Variants in MPDZ observed in about 807,000 individuals in gnomAD.
MPDZ encodes the protein multiple PDZ domain protein.
MPDZ carries 234 observed loss-of-function variants against 239.1 expected under a neutral mutation model. That is an observed-to-expected ratio of 0.98 (90% CI 0.88 to 1.09). The LOEUF is 1.09. Among genes scored for constraint, MPDZ ranks in the 50% least tolerant of loss-of-function variants. The pLI, the probability that MPDZ is intolerant of heterozygous loss-of-function variation, is 0.00. For synonymous variants in MPDZ, 1,048 were observed against 881.3 expected, an observed-to-expected ratio of 1.19 and a Z score of -3.35; for missense variants, 3,175 against 2,510.0, an observed-to-expected ratio of 1.26 and a Z score of -5.66.
chr9:13,210,622 T>C (rs1957510794), intron 10 of MPDZ, among the ~76,000 whole-genome samples: 1 of 151,970 alleles, frequency 6.6e-6, no homozygotes, highest in Non-Finnish European at 1.5e-5. Flanking sequence ...TGGGAGCTGC[T>C]CACCTCCCTG....
At position 13,176,034 on chromosome 9, in the gene MPDZ, G is replaced by A. The variant is rs1952438884; in HGVS notation, c.2931+102C>T. Reference sequence around the variant, plus strand: ...TAGGTTGCCTTCTGAAAATCTTAGTGTCAAGAAGCACTCATTCCAAATGAA... The same window carrying A: ...TAGGTTGCCTTCTGAAAATCTTAGTATCAAGAAGCACTCATTCCAAATGAA... On this transcript the variant is annotated intron_variant, in intron 20 of 46. Transcript: ENST00000319217. 4 of 1,433,254 alleles carry A rather than the reference G, an allele frequency of 2.8e-6. No homozygotes were observed. The South Asian group carries it at 6.0e-5, about 21-fold the overall frequency. The allele number at this position is 1,433,254 out of a possible 1,614,324, so 88.8% of individuals were successfully genotyped here. A position where few individuals can be genotyped will look rare whatever the true frequency, so the allele number is the denominator to read the frequency against.
At chr9:13,165,612 T>C (rs772946603) in intron 22 of MPDZ, 4 of 452,458 alleles carry the variant, frequency 8.8e-6, no homozygotes, top group African/African-American at 2.0e-5. Context: ...CAGTGATTAT[T>C]AACAAGCATG....
chr9:13,131,136 A>C (rs1027398500), intron 32 of MPDZ, among the ~76,000 whole-genome samples: 1 of 152,196 alleles, frequency 6.6e-6, no homozygotes, highest in African/African-American at 2.4e-5. Flanking sequence ...CAGCTGATTC[A>C]TGAGTGTTAA....
chr9:13,263,228 G>T (rs1029309201), intron 1 of MPDZ, among the ~76,000 whole-genome samples: 2 of 152,022 alleles, frequency 1.3e-5, no homozygotes, highest in Non-Finnish European at 2.9e-5. Flanking sequence ...CAGAATGATG[G>T]ATATATGAGG....
At chr9:13,149,442 A>C (rs993218664) in intron 25 of MPDZ, among the ~76,000 whole-genome samples, 1 of 152,112 alleles carries the variant, frequency 6.6e-6, no homozygotes, top group Non-Finnish European at 1.5e-5. Context: ...AATTGTCTTT[A>C]TTTGCAAGTT....
intron 3 of MPDZ, among the ~76,000 whole-genome samples, chr9:13,233,091 T>C (rs1962983960): frequency 6.6e-6 from 1 of 152,146 alleles, no homozygotes; most frequent in South Asian, 2.1e-4. Context: ...TTTCATACAC[T>C]AAATATCGTG....
At chr9:13,164,783 A>G (rs935317692) in intron 22 of MPDZ, among the ~76,000 whole-genome samples, 16 of 152,148 alleles carry the variant, frequency 1.1e-4, no homozygotes, top group African/African-American at 3.6e-4. Flanking sequence ...GCCACTACAG[A>G]GAGTGAGGCC....
At position 13,173,880 on chromosome 9, in the gene MPDZ, A is replaced by G. The variant is rs543973965; in HGVS notation, c.3055+1872T>C. Among the ~76,000 whole-genome samples, 7 of 152,238 alleles carry G rather than the reference A, an allele frequency of 4.6e-5. No individual in the cohort carries two copies. The South Asian group carries it at 1.5e-3, about 32-fold the overall frequency. ...TCTACCCTTAGCTCCCGCTGCCTAC[A>G]TGAAGGATAAGGCAGTAGATGGCTG... On this transcript the variant is annotated intron_variant, in intron 21 of 46. Coordinates refer to ENST00000319217, the MANE Select transcript of MPDZ (RefSeq NM_001378778.1).
At chr9:13,112,984 T>C in intron 42 of MPDZ, 27 bp downstream of exon 42, 3 of 1,563,748 alleles carry the variant, frequency 1.9e-6, no homozygotes, top group Non-Finnish European at 2.6e-6. Context: ...ACGCCAGGGT[T>C]TATATTGTTT....
chr9:13,232,179 AT>A (rs1279041869), intron 3 of MPDZ, among the ~76,000 whole-genome samples: 6 of 152,212 alleles, frequency 3.9e-5, no homozygotes, highest in African/African-American at 1.4e-4. Context: ...TGTACTGAAT[AT>A]CCAAATGAAT....
intron 3 of MPDZ, among the ~76,000 whole-genome samples, chr9:13,232,766 A>C (rs928361316): frequency 8.6e-5 from 13 of 151,722 alleles, no homozygotes; most frequent in African/African-American, 2.9e-4. Context: ...GAAAATGGTT[A>C]CAATACAAAT....
Position 13,106,767 on chromosome 9 carries a change from C to T in MPDZ, c.*198G>A. On this transcript the variant is annotated 3_prime_UTR_variant, in exon 47 of 47. Transcript: ENST00000319217. ...TCCTTCTCTTTAAGTTCACAAAATG[C>T]AAGAAGAAAAGAAAAATGATGTTAG... The T allele has an allele frequency of 1.8e-6, 1 of 550,454 alleles. No homozygotes were observed. Among genetic ancestry groups the T allele is most frequent in the Non-Finnish European group, 3.1e-6 (1 of 321,604 alleles). 34.1% of individuals were successfully genotyped at this position (550,454 alleles called of 1,614,324 possible). A position where few individuals can be genotyped will look rare whatever the true frequency, so the allele number is the denominator to read the frequency against.
At chr9:13,114,132 A>C in intron 40 of MPDZ, 111 bp from the exon 41 acceptor site, 9 of 795,252 alleles carry the variant, frequency 1.1e-5, no homozygotes, top group Non-Finnish European at 1.8e-5. Context: ...CAACAGTGGC[A>C]TTTGATAATT....
At chr9:13,161,615 A>G (rs1014826608) in intron 23 of MPDZ, among the ~76,000 whole-genome samples, 2 of 152,144 alleles carry the variant, frequency 1.3e-5, no homozygotes, top group East Asian at 1.9e-4. Flanking sequence ...AGAAGACCTC[A>G]GAGTGCTTGC....
intron 27 of MPDZ, among the ~76,000 whole-genome samples, chr9:13,140,391 TAC>T (rs1410403463): frequency 3.5e-5 from 5 of 142,258 alleles, no homozygotes; most frequent in African/African-American, 1.3e-4. Flanking sequence ...TTTATATATA[TAC>T]ATATATATAT....
chr9:13,131,558 G>C (rs1055892223), intron 32 of MPDZ, among the ~76,000 whole-genome samples: 1 of 152,142 alleles, frequency 6.6e-6, no homozygotes, highest in African/African-American at 2.4e-5. Flanking sequence ...GCATACCAAG[G>C]TGTTCTGTAG....
At chr9:13,235,832 A>G (rs1963799608) in intron 3 of MPDZ, among the ~76,000 whole-genome samples, 1 of 152,136 alleles carries the variant, frequency 6.6e-6, no homozygotes, top group Non-Finnish European at 1.5e-5. Context: ...TAAAGACAGA[A>G]AGCAAAGAAC....
intron 19 of MPDZ, 40 bp from the exon 20 acceptor site, chr9:13,176,457 G>C: frequency 6.8e-7 from 1 of 1,464,328 alleles, no homozygotes; most frequent in South Asian, 1.5e-5. Context: ...CATGAAAAAT[G>C]TGACCAGAAT....
chr9:13,174,320 A>T (rs1952175693), intron 21 of MPDZ, among the ~76,000 whole-genome samples: 1 of 152,172 alleles, frequency 6.6e-6, no homozygotes, highest in Admixed American at 6.5e-5. Flanking sequence ...GAACAGTGAT[A>T]TTATGGTGTC....
Sources: gnomAD v4.1 joint callset for allele counts (sites outside exome capture counted in the v4.1 genomes callset) on GRCh38, gnomAD v4.1.1 for gene constraint, MANE v1.5 for transcripts, NCBI Gene and HGNC (gene_info 2026-07-23, HGNC 2026-07-21) for gene names.